The following EPHA3 variants were observed in gnomAD, a reference collection of about 807,000 sequenced individuals.
EPHA3 encodes the protein ephrin type-A receptor 3.
EPHA3 carries 42 observed loss-of-function variants against 107.1 expected under a neutral mutation model. The ratio of observed to expected loss-of-function variants is 0.39; its 90% CI spans 0.31 to 0.51. The LOEUF (loss-of-function observed/expected upper bound fraction) is 0.51, where lower values mean the gene tolerates loss of function less well. Ranked by LOEUF, EPHA3 falls within the 20% of genes least tolerant of loss-of-function variation. The pLI is 0.78. For missense variants in EPHA3, 1,183 were observed against 1,211.2 expected (o/e 0.98, Z 0.35); for synonymous variants, 461 against 424.8 (o/e 1.09, Z -1.05).
intron 1 of EPHA3, among the ~76,000 whole-genome samples, chr3:89,118,927 T>C (rs1275972640): frequency 4.6e-5 from 7 of 151,874 alleles, no homozygotes; most frequent in Admixed American, 2.0e-4. Flanking sequence ...AGGGTGCAAT[T>C]TAAGTCCCAG....
Position 89,472,488 on chromosome 3 carries a change from A to C in EPHA3, c.2715A>C (p.Gln905His). ...GGCCATCAAACCTTCTTCTGGACCA[A>C]AGCAATGTGGATATCACTACCTTCC... ...AARPSNLLLD[Q>H]SNVDITTFRT... is the part of the protein sequence containing the mutation. Residue 905 changes from glutamine to histidine, a missense_variant, in exon 16 of 17, where the codon CAA becomes CAC. Coordinates refer to ENST00000336596, the MANE Select transcript of EPHA3 (RefSeq NM_005233.6). The C allele has an allele frequency of 6.2e-7, 1 of 1,613,998 alleles. No individual in the cohort carries two copies. The highest frequency in any genetic ancestry group is 8.5e-7 in the Non-Finnish European group (1 of 1,179,952).
intron 2 of EPHA3, among the ~76,000 whole-genome samples, chr3:89,179,546 G>A (rs145228558): frequency 6.6e-5 from 10 of 151,768 alleles, no homozygotes; most frequent in East Asian, 3.9e-4. Flanking sequence ...CATCTTTTTC[G>A]CTTAGATTGA....
chr3:89,411,313 G>A (rs1334704286), intron 9 of EPHA3, among the ~76,000 whole-genome samples: 1 of 151,784 alleles, frequency 6.6e-6, no homozygotes, highest in Admixed American at 6.6e-5. Context: ...CCATTTCTGT[G>A]GATATTGACT....
At chr3:89,449,436 T>C in intron 14 of EPHA3, 62 bp downstream of exon 14, 1 of 1,395,950 alleles carries the variant, frequency 7.2e-7, no homozygotes, top group Non-Finnish European at 9.5e-7. Flanking sequence ...TGCAAGGAAG[T>C]GGAACATAAT....
Position 89,210,350 on chromosome 3 carries a change from C to G in EPHA3, c.644C>G (p.Thr215Arg). ...AAGAATCTGGCTATGTTTCCAGACA[C>G]GGTACCCATGGACTCCCAGTCCCTG... ...TVKNLAMFPD[T>R]VPMDSQSLVE... The change falls in exon 3 of 17, where the codon ACG (threonine) becomes AGG (arginine). Residue 215 changes from threonine (T) to arginine (R), a missense_variant. Thr to Arg is a moderately conservative substitution (Grantham distance 71). Transcript: ENST00000336596. 1 of 1,613,548 alleles carries G rather than the reference C, an allele frequency of 6.2e-7. No individual in the cohort carries two copies. The highest frequency in any genetic ancestry group is 8.5e-7 in the Non-Finnish European group (1 of 1,179,774).
chr3:89,293,608 C>T (rs543930713), intron 3 of EPHA3, among the ~76,000 whole-genome samples: 4 of 152,212 alleles, frequency 2.6e-5, no homozygotes, highest in Non-Finnish European at 4.4e-5. Context: ...TTTCCCCATG[C>T]GTTTCTCATG....
chr3:89,456,911 A>G (rs956984828), intron 15 of EPHA3, among the ~76,000 whole-genome samples: 19 of 152,300 alleles, frequency 1.2e-4, no homozygotes, highest in African/African-American at 4.6e-4. Context: ...TTATATAGGT[A>G]CCAGATGTAG....
intron 10 of EPHA3, among the ~76,000 whole-genome samples, chr3:89,413,664 A>G (rs2107522458): frequency 6.6e-6 from 1 of 151,932 alleles, no homozygotes; most frequent in South Asian, 2.1e-4. Flanking sequence ...AACAAACAAC[A>G]CAAAGTAATA....
chr3:89,188,318 G>A (rs959321492), intron 2 of EPHA3, among the ~76,000 whole-genome samples: 9 of 152,130 alleles, frequency 5.9e-5, no homozygotes, highest in African/African-American at 9.7e-5. Flanking sequence ...GTCGTCAACC[G>A]TCACCTTGCT....
intron 13 of EPHA3, among the ~76,000 whole-genome samples, chr3:89,442,538 C>T (rs1483475133): frequency 6.6e-6 from 1 of 152,036 alleles, no homozygotes; most frequent in East Asian, 1.9e-4. Flanking sequence ...ATGACAGCGG[C>T]AGAAGTGCTG....
intron 2 of EPHA3, among the ~76,000 whole-genome samples, chr3:89,172,799 G>T (rs919410699): frequency 6.6e-6 from 1 of 152,078 alleles, no homozygotes; most frequent in Non-Finnish European, 1.5e-5. Context: ...GTAATTATGT[G>T]CATGTCATAG....
chr3:89,281,455 G>T (rs1432048559), intron 3 of EPHA3, among the ~76,000 whole-genome samples: 1 of 152,106 alleles, frequency 6.6e-6, no homozygotes, highest in Non-Finnish European at 1.5e-5. Context: ...ATGGAAACCT[G>T]CTCTAATTCT....
At chr3:89,358,760 T>C (rs1708022009) in intron 5 of EPHA3, among the ~76,000 whole-genome samples, 1 of 151,262 alleles carries the variant, frequency 6.6e-6, no homozygotes, top group Admixed American at 6.6e-5. Flanking sequence ...AACCTACTGA[T>C]TACACATGAT....
chr3:89,290,229 T>C (rs1706180350), intron 3 of EPHA3, among the ~76,000 whole-genome samples: 1 of 152,158 alleles, frequency 6.6e-6, no homozygotes, highest in Non-Finnish European at 1.5e-5. Flanking sequence ...TATATGTTCC[T>C]TTACAAACGT....
chr3:89,329,493 A>C (rs1707243285), intron 3 of EPHA3, among the ~76,000 whole-genome samples: 1 of 152,078 alleles, frequency 6.6e-6, no homozygotes, highest in South Asian at 2.1e-4. Flanking sequence ...TAATATTTCC[A>C]ATACGCTATT....
At chr3:89,365,227 G>A (rs1259024934) in intron 5 of EPHA3, among the ~76,000 whole-genome samples, 1 of 150,646 alleles carries the variant, frequency 6.6e-6, no homozygotes, top group Non-Finnish European at 1.5e-5. Context: ...CCAGCATGTT[G>A]AAGACTGGAA....
rs370298165 is a variant in EPHA3 at position 89,256,884 on chromosome 3, A to C, written c.814+46364A>C. Among the ~76,000 whole-genome samples, 34 of 152,352 alleles carry C rather than the reference A, an allele frequency of 2.2e-4. No homozygotes were observed. In the East Asian group the frequency reaches 2.3e-3, roughly 10 times the overall value. ...TCTGAATCTATAGGAATCTTAATAC[A>C]TATGAGCACATGTCCTTAGAGGAAA... On this transcript the variant is annotated intron_variant, in intron 3 of 16. Transcript: ENST00000336596.
chr3:89,478,695 T>C (rs1710566731), intron 16 of EPHA3, among the ~76,000 whole-genome samples: 1 of 152,124 alleles, frequency 6.6e-6, no homozygotes, highest in South Asian at 2.1e-4. Flanking sequence ...ATGAAGAAAG[T>C]GATACAATGT....
At chr3:89,113,572 A>C (rs1576157688) in intron 1 of EPHA3, among the ~76,000 whole-genome samples, 2 of 151,882 alleles carry the variant, frequency 1.3e-5, no homozygotes, top group East Asian at 3.9e-4. Flanking sequence ...GAAAATAAAA[A>C]AAGTTGATTA....
Sources: allele counts gnomAD v4.1 joint callset (sites outside exome capture counted in the v4.1 genomes callset), GRCh38; gene constraint gnomAD v4.1.1; transcripts MANE v1.5; gene names NCBI Gene and HGNC (gene_info 2026-07-23, HGNC 2026-07-21).